The following JMJD1C variants were observed in gnomAD, a reference collection of about 807,000 sequenced individuals.
JMJD1C encodes the protein jumonji domain-containing protein 1C.
Under a neutral mutation model 245.3 loss-of-function variants are expected in JMJD1C, and 31 were observed. The observed-to-expected ratio is 0.13, with a 90% CI of 0.09 to 0.17. The LOEUF (loss-of-function observed/expected upper bound fraction) is 0.17. JMJD1C is among the 10% of genes least tolerant of loss of function. The pLI is 1.00. For synonymous variants in JMJD1C, 1,057 were observed against 1,017.4 expected (o/e 1.04, Z -0.74); for missense variants, 2,691 against 3,000.2 (o/e 0.90, Z 2.41).
intron 1 of JMJD1C, chr10:63,427,265 C>CA (rs1950497562): frequency 9.8e-6 from 2 of 203,254 alleles, no homozygotes; most frequent in Non-Finnish European, 2.0e-5. Flanking sequence ...CACCTGGTCC[C>CA]AGGAACTCTG....
At chr10:63,402,118 G>C (rs1174644967) in intron 1 of JMJD1C, among the ~76,000 whole-genome samples, 3 of 145,060 alleles carry the variant, frequency 2.1e-5, no homozygotes, top group Middle Eastern at 3.2e-3. Flanking sequence ...TGGGCAACAA[G>C]AGCAAACTCC....
intron 2 of JMJD1C, among the ~76,000 whole-genome samples, chr10:63,294,334 AAGTGC>A (rs1859125468): frequency 6.6e-6 from 1 of 150,808 alleles, no homozygotes; most frequent in Admixed American, 6.6e-5. Context: ...TGCCAAGCTG[AAGTGC>A]AGTGGTATCA....
chr10:63,355,962 T>G (rs995354251), intron 2 of JMJD1C, among the ~76,000 whole-genome samples: 7 of 152,192 alleles, frequency 4.6e-5, no homozygotes, highest in Admixed American at 2.0e-4. Context: ...TCATCTTGTG[T>G]TCCAAAATTA....
At chr10:63,222,532 TACTCA>T in intron 3 of JMJD1C, 1 of 1,414,406 alleles carries the variant, frequency 7.1e-7, no homozygotes, top group African/African-American at 1.4e-5. Context: ...GTCCCAAAGA[TACTCA>T]ACTCAAATAC....
chr10:63,355,285 A>G (rs2134319276), intron 2 of JMJD1C, among the ~76,000 whole-genome samples: 2 of 152,204 alleles, frequency 1.3e-5, no homozygotes, highest in East Asian at 3.8e-4. Flanking sequence ...CATCTTGCAT[A>G]GTTACAGTAT....
chr10:63,517,890 T>G (rs374730750), intron 1 of JMJD1C, among the ~76,000 whole-genome samples: 81 of 150,426 alleles, frequency 5.4e-4, no homozygotes, highest in African/African-American at 1.9e-3. Flanking sequence ...CCTCCCAGGT[T>G]CAGGTGATTC....
chr10:63,248,529 G>GATAGATAGATAGATAGATAA (rs566828473), intron 3 of JMJD1C, among the ~76,000 whole-genome samples: 85 of 137,050 alleles, frequency 6.2e-4, no homozygotes, highest in African/African-American at 2.0e-3. Context: ...TCAATAGATA[G>GATAGATAGATAGATAGATAA]ATAAATAAAT....
At chr10:63,178,199 C>T (rs1165130464) in intron 22 of JMJD1C, among the ~76,000 whole-genome samples, 1 of 152,086 alleles carries the variant, frequency 6.6e-6, no homozygotes, top group African/African-American at 2.4e-5. Flanking sequence ...CTTGGGCCTC[C>T]CAAAGTGCTA....
intron 2 of JMJD1C, among the ~76,000 whole-genome samples, chr10:63,300,667 G>A (rs1859973693): frequency 6.6e-6 from 1 of 151,454 alleles, no homozygotes; most frequent in Non-Finnish European, 1.5e-5. Flanking sequence ...CAAGGCGGTA[G>A]ATCTCATGAG....
chr10:63,314,711 G>C (rs961161363), intron 2 of JMJD1C, among the ~76,000 whole-genome samples: 7 of 150,826 alleles, frequency 4.6e-5, no homozygotes, highest in Admixed American at 4.6e-4. Context: ...GTAATGGTGC[G>C]AGCTCAGCTC....
chr10:63,219,138 AT>A (rs1280327999), intron 4 of JMJD1C, among the ~76,000 whole-genome samples: 1 of 152,168 alleles, frequency 6.6e-6, no homozygotes. Context: ...TTTAAAGAAT[AT>A]TTAGCCTAGG....
In JMJD1C at chr10:63,349,718, G is replaced by A. The variant is rs1944180116; in HGVS notation, c.333+30600C>T. Among the ~76,000 whole-genome samples, 7 of 152,230 alleles carry A rather than the reference G, an allele frequency of 4.6e-5. No homozygotes were observed. The South Asian group carries it at 1.2e-3, about 27-fold the overall frequency. Reference sequence around the variant, plus strand: ...AAATAGGTGAAAAGGCTTCATAGGTGGGGGAAAAGTATGAATAAAAGAATG... The same window carrying A: ...AAATAGGTGAAAAGGCTTCATAGGTAGGGGAAAAGTATGAATAAAAGAATG... On this transcript the variant is annotated intron_variant, in intron 2 of 25. Transcript: ENST00000399262.
intron 1 of JMJD1C, among the ~76,000 whole-genome samples, chr10:63,500,778 T>TGCAC (rs1554953953): frequency 6.6e-6 from 1 of 151,114 alleles, no homozygotes; most frequent in Non-Finnish European, 1.5e-5. Context: ...GATGGATGGA[T>TGCAC]GGATGGATGG....
chr10:63,208,858 A>G, intron 9 of JMJD1C, 57 bp from the exon 10 acceptor site: 1 of 1,369,356 alleles, frequency 7.3e-7, no homozygotes, highest in South Asian at 1.4e-5. Flanking sequence ...AAATACAAAG[A>G]CAGCTTCTAT....
At chr10:63,216,710 A>G (rs1034325511) in intron 5 of JMJD1C, among the ~76,000 whole-genome samples, 12 of 141,436 alleles carry the variant, frequency 8.5e-5, no homozygotes, top group African/African-American at 2.9e-4. Flanking sequence ...ACTCCAGCTC[A>G]AAAAACAAAA....
chr10:63,248,093 T>A (rs1044335762), intron 3 of JMJD1C, among the ~76,000 whole-genome samples: 1 of 151,714 alleles, frequency 6.6e-6, no homozygotes, highest in African/African-American at 2.4e-5. Context: ...CTGGGTGTGG[T>A]GGCGGGCGCC....
At chr10:63,321,146 C>A (rs1281443051) in intron 2 of JMJD1C, among the ~76,000 whole-genome samples, 1 of 152,184 alleles carries the variant, frequency 6.6e-6, no homozygotes, top group Non-Finnish European at 1.5e-5. Flanking sequence ...GTTCTCTGGA[C>A]CCTTCCAGAT....
At chr10:63,316,795 T>C (rs770669640) in intron 2 of JMJD1C, among the ~76,000 whole-genome samples, 13 of 152,274 alleles carry the variant, frequency 8.5e-5, no homozygotes, top group Admixed American at 5.2e-4. Flanking sequence ...GCTACATGCA[T>C]AGAATTGTAT....
rs1845021472 is a variant in JMJD1C at position 63,192,968 on chromosome 10, C to T, written c.6046G>A (p.Ala2016Thr). The change falls in exon 16 of 26, where the codon GCA (alanine) becomes ACA (threonine). Residue 2016 changes from alanine (A) to threonine (T), a missense_variant. By Grantham distance (58) the Ala-to-Thr change is moderately conservative (BLOSUM62 0). Around this residue, in one of 9 missense-constraint regions of JMJD1C, gnomAD observed 275 missense variants for 285.5 expected, o/e 0.96. Coordinates refer to ENST00000399262, the MANE Select transcript of JMJD1C (RefSeq NM_032776.3). ...QSPLHWLADLAEQKAREEKKE... is the reference protein window; with the variant it reads ...QSPLHWLADLTEQKAREEKKE... ...TTTTCCTCTCTGGCTTTTTGCTCTG[C>T]AAGATCTGCTAACCAGTGCAGTGGT... 1 of 1,613,994 alleles carries T rather than the reference C, an allele frequency of 6.2e-7. No individual in the cohort carries two copies. The highest frequency in any genetic ancestry group is 8.5e-7 in the Non-Finnish European group (1 of 1,179,962).
Sources: gnomAD v4.1 joint callset for allele counts (sites outside exome capture counted in the v4.1 genomes callset) on GRCh38, gnomAD v4.1.1 for gene constraint, gnomAD v4.1.1 regional missense constraint, MANE v1.5 for transcripts, NCBI Gene and HGNC (gene_info 2026-07-23, HGNC 2026-07-21) for gene names.